Variants in LIPA observed in about 807,000 individuals in gnomAD.
LIPA encodes the protein lysosomal acid lipase/cholesteryl ester hydrolase.
A neutral mutation model predicts 40.6 loss-of-function variants in LIPA; 26 were observed. The ratio of observed to expected loss-of-function variants is 0.64; its 90% confidence interval spans 0.47 to 0.89. The LOEUF (loss-of-function observed/expected upper bound fraction) is 0.89. Among genes scored for constraint, LIPA ranks in the 40% least tolerant of loss-of-function variants. The pLI is 0.00. For synonymous variants in LIPA, 188 were observed against 168.4 expected, an observed-to-expected ratio of 1.12 and a Z score of -0.90; for missense variants, 455 against 479.6, an observed-to-expected ratio of 0.95 and a Z score of 0.48.
At chr10:89,279,391 C>T (rs751314667) in intron 1 of LIPA, among the ~76,000 whole-genome samples, 1 of 151,990 alleles carries the variant, frequency 6.6e-6, no homozygotes, top group African/African-American at 2.4e-5. Flanking sequence ...GTGAGGGAGG[C>T]CTTTGGTGGT....
intron 2 of LIPA, among the ~76,000 whole-genome samples, chr10:89,381,394 A>G (rs1844162126): frequency 6.6e-6 from 1 of 152,208 alleles, no homozygotes; most frequent in South Asian, 2.1e-4. Context: ...CACCTCACCC[A>G]GCATATGTCC....
rs765715394 is a variant in LIPA, at chr10:89,215,076, A to G, written c.967-15T>C. On this transcript the variant is annotated splice_polypyrimidine_tract_variant and intron_variant, in intron 9 of 9. Coordinates refer to ENST00000336233, the MANE Select transcript of LIPA (RefSeq NM_000235.4). ...GGAGGATAACTCTACAATGAAAAGG[A>G]ACCAGAGAAAGCCTCGTTGTTGTTG... 2 of 1,554,158 alleles carry G rather than the reference A, an allele frequency of 1.3e-6. No individual in the cohort carries two copies. The highest frequency in any genetic ancestry group is 1.8e-6 in the Non-Finnish European group (2 of 1,125,298).
chr10:89,382,215 A>G (rs1844168704), intron 2 of LIPA, among the ~76,000 whole-genome samples: 1 of 152,212 alleles, frequency 6.6e-6, no homozygotes, highest in South Asian at 2.1e-4. Context: ...ATTGCCATAT[A>G]GAGAGTAAGA....
At chr10:89,383,944 A>G in intron 2 of LIPA, 1 of 1,614,238 alleles carries the variant, frequency 6.2e-7, no homozygotes. Flanking sequence ...ACGAGCTGTC[A>G]GGCTAAATCC....
At chr10:89,403,598 C>T (rs1197354391) in intron 2 of LIPA, 3 of 1,613,854 alleles carry the variant, frequency 1.9e-6, no homozygotes, top group Non-Finnish European at 2.5e-6. Flanking sequence ...AAAGCTTGAG[C>T]CTCCTTGGGT....
chr10:89,363,709 G>A (rs1233020614), intron 2 of LIPA, among the ~76,000 whole-genome samples: 4 of 149,198 alleles, frequency 2.7e-5, no homozygotes, highest in East Asian at 4.1e-4. Flanking sequence ...CCCGAGAGGC[G>A]GAGCTTGCAG....
intron 2 of LIPA, among the ~76,000 whole-genome samples, chr10:89,367,260 A>T (rs1172649920): frequency 6.6e-6 from 1 of 152,256 alleles, no homozygotes; most frequent in East Asian, 1.9e-4. Flanking sequence ...CCAACGTGGC[A>T]CATGAATACA....
upstream of LIPA, among the ~76,000 whole-genome samples, chr10:89,343,357 G>A (rs117101281): frequency 5.2e-3 from 791 of 152,316 alleles, 19 homozygotes; most frequent in East Asian, 0.06. Flanking sequence ...TTCTTTGCAA[G>A]TATGGGGCAG....
At chr10:89,288,202 C>T (rs753529292) in intron 1 of LIPA, among the ~76,000 whole-genome samples, 9 of 143,514 alleles carry the variant, frequency 6.3e-5, no homozygotes, top group Non-Finnish European at 1.4e-4. Context: ...ATCTCCCAAA[C>T]CCCAACTCCT....
At chr10:89,272,606 A>G (rs1330996633) in intron 1 of LIPA, among the ~76,000 whole-genome samples, 1 of 152,216 alleles carries the variant, frequency 6.6e-6, no homozygotes, top group Non-Finnish European at 1.5e-5. Flanking sequence ...CTCTGGGTAC[A>G]TACCCGGTAA....
rs933750866 is a variant in LIPA at position 89,250,564 on chromosome 10, C to T, written c.-2+1173G>A. Among the ~76,000 whole-genome samples, 4 of 152,146 alleles carry T rather than the reference C, an allele frequency of 2.6e-5. No individual in the cohort carries two copies. In the East Asian group the frequency reaches 5.8e-4, roughly 22 times the overall value. On this transcript the variant is annotated intron_variant, in intron 1 of 9. Coordinates refer to ENST00000336233, the MANE Select transcript of LIPA (RefSeq NM_000235.4). ...GCAACCTCCCAAAAGTCCATTATTA[C>T]TAGAGAATAAGGAGTAAATTGAAAG...
chr10:89,337,380 G>C (rs969948577), intron 1 of LIPA, among the ~76,000 whole-genome samples: 1 of 152,030 alleles, frequency 6.6e-6, no homozygotes, highest in African/African-American at 2.4e-5. Context: ...GAACTGACTT[G>C]GTATTTTTTA....
At chr10:89,306,082 T>G in intron 1 of LIPA, 2 of 1,614,150 alleles carry the variant, frequency 1.2e-6, no homozygotes, top group Non-Finnish European at 1.7e-6. Context: ...TTTACCGGAC[T>G]GAGTTTCAGA....
At chr10:89,289,358 C>T (rs1351308032) in intron 1 of LIPA, among the ~76,000 whole-genome samples, 1 of 152,214 alleles carries the variant, frequency 6.6e-6, no homozygotes, top group Non-Finnish European at 1.5e-5. Flanking sequence ...GTTCCATCTG[C>T]TATTCTACTG....
At chr10:89,399,633 C>T (rs927891894) in intron 2 of LIPA, among the ~76,000 whole-genome samples, 6 of 152,074 alleles carry the variant, frequency 3.9e-5, no homozygotes, top group Non-Finnish European at 7.4e-5. Flanking sequence ...ACCATCCTTT[C>T]CCCATTAGAT....
rs367590574 is a variant in LIPA, at chr10:89,238,572, T to TC, written c.229+7103dup. 3.8e-3 allele frequency among the ~76,000 whole-genome samples: 582 copies of TC among 152,134 alleles called. 2 individuals carry two copies. The highest frequency in any genetic ancestry group is 0.013 in the African/African-American group (554 of 41,504). On this transcript the variant is annotated intron_variant, in intron 3 of 9. Coordinates refer to ENST00000336233, the MANE Select transcript of LIPA (RefSeq NM_000235.4). ...TTCTCCTGTCTCCCCTTCCACTTCCTCCCCCTCTTCCACCTCTGCTACTCC... is the reference window on the plus strand; with the variant it reads ...TTCTCCTGTCTCCCCTTCCACTTCCTCCCCCCTCTTCCACCTCTGCTACTCC...
At chr10:89,239,722 G>A (rs1842943745) in intron 3 of LIPA, among the ~76,000 whole-genome samples, 1 of 152,188 alleles carries the variant, frequency 6.6e-6, no homozygotes, top group Non-Finnish European at 1.5e-5. Context: ...AACGTTCCAG[G>A]ACATTATCAT....
chr10:89,271,890 C>G (rs1413415508), intron 1 of LIPA, among the ~76,000 whole-genome samples: 4 of 151,698 alleles, frequency 2.6e-5, no homozygotes, highest in African/African-American at 9.7e-5. Context: ...TATCAAAACC[C>G]CAACTCTACA....
intron 2 of LIPA, among the ~76,000 whole-genome samples, chr10:89,370,704 C>T (rs1270105446): frequency 6.6e-6 from 1 of 152,156 alleles, no homozygotes; most frequent in African/African-American, 2.4e-5. Context: ...GCACCCACAT[C>T]TCCAGATGTG....
Sources: gnomAD v4.1 joint callset for allele counts (sites outside exome capture counted in the v4.1 genomes callset) on GRCh38, gnomAD v4.1.1 for gene constraint, MANE v1.5 for transcripts, NCBI Gene and HGNC (gene_info 2026-07-23, HGNC 2026-07-21) for gene names.